SDHB: variants seen among roughly 807,000 people sequenced by gnomAD.
SDHB encodes succinate dehydrogenase complex iron sulfur subunit B.
A neutral mutation model predicts 39.7 loss-of-function variants in SDHB; 21 were observed. That is an observed-to-expected ratio of 0.53 (90% CI 0.37 to 0.76). The LOEUF is 0.76. Ranked by LOEUF, SDHB falls within the 30% of genes least tolerant of loss-of-function variation. The probability of loss-of-function intolerance (pLI) is 0.00; values close to 1 mark genes in which losing one functional copy is unlikely to be tolerated. For missense variants in SDHB, 343 were observed against 350.9 expected (o/e 0.98, Z 0.18); for synonymous variants, 118 against 117.0 (o/e 1.01, Z -0.06).
At chr1:17,053,421 T>TG in intron 1 of SDHB, among the ~76,000 whole-genome samples, 1 of 152,094 alleles carries the variant, frequency 6.6e-6, no homozygotes, top group Non-Finnish European at 1.5e-5. Flanking sequence ...GGTAGGGGGC[T>TG]GGGTGCATTT....
chr1:17,053,011 G>C (rs1317093603), intron 1 of SDHB, among the ~76,000 whole-genome samples: 1 of 152,142 alleles, frequency 6.6e-6, no homozygotes, highest in African/African-American at 2.4e-5. Context: ...CCAAAAAGGA[G>C]GGTAAGGATT....
At chr1:17,046,354 A>T (rs1570958976) in intron 1 of SDHB, among the ~76,000 whole-genome samples, 1 of 150,008 alleles carries the variant, frequency 6.7e-6, no homozygotes. Context: ...TTAATGTCCC[A>T]TTTTTTTTTT....
intron 4 of SDHB, among the ~76,000 whole-genome samples, chr1:17,028,347 C>T (rs184707927): frequency 6.6e-6 from 1 of 152,286 alleles, no homozygotes; most frequent in East Asian, 1.9e-4. Context: ...AGGCGTTTAT[C>T]TTCTGCCATT....
At chr1:17,027,705 G>A (rs751787710) in intron 5 of SDHB, 44 bp downstream of exon 5, 2 of 1,153,752 alleles carry the variant, frequency 1.7e-6, no homozygotes, top group Admixed American at 3.4e-5. Context: ...AATCATCTTT[G>A]CAATAAATTC....
intron 1 of SDHB, among the ~76,000 whole-genome samples, chr1:17,048,862 C>T (rs566307283): frequency 1.4e-4 from 21 of 152,128 alleles, no homozygotes; most frequent in African/African-American, 4.8e-4. Flanking sequence ...AGGTGCCTGC[C>T]ACCACGCCGA....
intron 6 of SDHB, among the ~76,000 whole-genome samples, chr1:17,023,475 C>A (rs1452504325): frequency 6.6e-6 from 1 of 152,206 alleles, no homozygotes; most frequent in Non-Finnish European, 1.5e-5. Context: ...TAAAAAAGCA[C>A]AAGCTTTCTG....
chr1:17,049,277 C>T (rs1314574791), intron 1 of SDHB, among the ~76,000 whole-genome samples: 1 of 151,552 alleles, frequency 6.6e-6, no homozygotes, highest in African/African-American at 2.4e-5. Flanking sequence ...AGGTGTGAGC[C>T]ATTGTGTCTG....
chr1:17,039,909 C>T (rs191512801), intron 2 of SDHB, among the ~76,000 whole-genome samples: 2 of 152,228 alleles, frequency 1.3e-5, no homozygotes, highest in African/African-American at 2.4e-5. Context: ...CTATGTCCAG[C>T]GCTCTTCATT....
Position 17,022,604 on chromosome 1 carries a change from G to A in SDHB, c.765+4C>T, listed in dbSNP as rs776039903. 18 of 1,613,572 alleles carry A rather than the reference G, an allele frequency of 1.1e-5. No individual in the cohort carries two copies. The highest frequency in any genetic ancestry group is 2.7e-5 in the African/African-American group (2 of 74,920). On this transcript the variant is annotated splice_donor_region_variant and intron_variant, in intron 7 of 7. Transcript: ENST00000375499. ...CAGAGCTGAGGGTCACCAGCCCCAC[G>A]TACCTTAGGACAGGTCCTTGTGCAG... is the stretch of plus-strand genomic sequence containing the variant.
At chr1:17,035,318 C>T (rs1211127712) in intron 2 of SDHB, among the ~76,000 whole-genome samples, 1 of 152,074 alleles carries the variant, frequency 6.6e-6, no homozygotes, top group African/African-American at 2.4e-5. Context: ...TTTTAAGTTA[C>T]TCCCCTAAAA....
intron 1 of SDHB, among the ~76,000 whole-genome samples, chr1:17,047,287 C>T (rs954321312): frequency 1.3e-5 from 2 of 151,346 alleles, no homozygotes; most frequent in Non-Finnish European, 2.9e-5. Flanking sequence ...CCCTGGGAGA[C>T]GGAGATTGCA....
rs201517260 is a variant in SDHB at position 17,024,008 on chromosome 1, C to T, written c.607G>A (p.Gly203Arg). The change falls in exon 6 of 8, where the codon GGA becomes AGA. Residue 203 changes from glycine (G) to arginine (R), a missense_variant. Physicochemically the swap from Gly to Arg is moderately radical, Grantham distance 125. Coordinates refer to ENST00000375499, the MANE Select transcript of SDHB (RefSeq NM_003000.3). ...ACTGCAGGCCCCAGATATTTGTCTC[C>T]GTTCCACCAGTAGCTGGGGCAGCTG... is the stretch of plus-strand genomic sequence containing the variant. ...STSCPSYWWN[G>R]DKYLGPAVLM... 28 of 1,613,912 alleles carry T rather than the reference C, an allele frequency of 1.7e-5. No individual in the cohort carries two copies. The highest frequency in any genetic ancestry group is 2.2e-5 in the Non-Finnish European group (26 of 1,179,994).
rs1392672185 is a variant in SDHB, at chr1:17,044,823, T to C, written c.138A>G (p.Arg46=). 1.9e-6 allele frequency: 3 copies of C among 1,614,082 alleles called. No homozygotes were observed. The highest frequency in any genetic ancestry group is 2.5e-6 in the Non-Finnish European group (3 of 1,180,004). ...APRIKKFAIY[R]WDPDKAGDKP... ...TGTCTCCAGCCTTGTCTGGGTCCCA[T>C]CGATAGATGGCAAATTTCTTGATAC... Residue 46 remains arginine (R), a synonymous_variant, in exon 2 of 8, where the codon CGA becomes CGG. Transcript: ENST00000375499.
chr1:17,025,406 A>G, intron 5 of SDHB, among the ~76,000 whole-genome samples: 1 of 123,412 alleles, frequency 8.1e-6, no homozygotes, highest in Admixed American at 1.1e-4. Context: ...TGGAATTATA[A>G]ATTCTTTTTT....
intron 2 of SDHB, among the ~76,000 whole-genome samples, chr1:17,036,088 A>C (rs1357996348): frequency 6.6e-6 from 1 of 152,058 alleles, no homozygotes; most frequent in Admixed American, 6.6e-5. Context: ...GGTCCCTTGC[A>C]TTTCTATAAG....
chr1:17,027,899 A>G, intron 4 of SDHB, 34 bp from the exon 5 acceptor site: 1 of 1,299,020 alleles, frequency 7.7e-7, no homozygotes. Context: ...AAGAAGAAGA[A>G]GAAAAGGATC....
At chr1:17,028,936 A>C (rs2078006728) in intron 3 of SDHB, among the ~76,000 whole-genome samples, 200 bp from the exon 4 acceptor site, 1 of 151,988 alleles carries the variant, frequency 6.6e-6, no homozygotes. Flanking sequence ...CTTGAGTTCC[A>C]AAAACTACTC....
intron 2 of SDHB, among the ~76,000 whole-genome samples, chr1:17,040,091 G>C (rs997500488): frequency 1.3e-5 from 2 of 152,038 alleles, no homozygotes; most frequent in Non-Finnish European, 2.9e-5. Flanking sequence ...TCTGAACGTG[G>C]AATTCCAGGC....
chr1:17,037,814 C>T (rs2078058672), intron 2 of SDHB, among the ~76,000 whole-genome samples: 1 of 152,086 alleles, frequency 6.6e-6, no homozygotes. Context: ...GTTGCCCAGG[C>T]TGGTCTCCAA....
Sources: allele counts gnomAD v4.1 joint callset (sites outside exome capture counted in the v4.1 genomes callset), GRCh38; gene constraint gnomAD v4.1.1; transcripts MANE v1.5; gene names NCBI Gene and HGNC (gene_info 2026-07-23, HGNC 2026-07-21).